KLF12: variants seen among roughly 807,000 people sequenced by gnomAD.
KLF12 encodes the protein Krueppel-like factor 12.
In KLF12, 9 loss-of-function variants were observed where a neutral mutation model predicts 37.8. The ratio of observed to expected loss-of-function variants is 0.24; its 90% CI spans 0.14 to 0.42. KLF12 has a LOEUF of 0.42. Ranked by LOEUF, KLF12 falls within the 10% of genes least tolerant of loss-of-function variation. The pLI is 1.00. For missense variants in KLF12, 411 were observed against 516.0 expected, an observed-to-expected ratio of 0.80 and a Z score of 1.97; for synonymous variants, 208 against 202.1, an observed-to-expected ratio of 1.03 and a Z score of -0.25.
intron 5 of KLF12, among the ~76,000 whole-genome samples, chr13:73,792,720 C>T (rs1233993405): frequency 2.6e-5 from 4 of 152,024 alleles, no homozygotes; most frequent in Admixed American, 6.5e-5. Flanking sequence ...GAACAATGTA[C>T]GTGTCATGCC....
the KLF12 span, among the ~76,000 whole-genome samples, chr13:74,250,600 C>T: frequency 6.6e-6 from 1 of 152,040 alleles, no homozygotes; most frequent in South Asian, 2.1e-4. Context: ...GAAGCTTAAC[C>T]CCGTTCCTGG....
chr13:73,778,505 G>A (rs961452190), intron 5 of KLF12, among the ~76,000 whole-genome samples: 1 of 152,088 alleles, frequency 6.6e-6, no homozygotes, highest in African/African-American at 2.4e-5. Flanking sequence ...GACTACAAGC[G>A]CCTGCCACCA....
At chr13:73,774,106 G>A (rs528214257) in intron 5 of KLF12, among the ~76,000 whole-genome samples, 10 of 152,118 alleles carry the variant, frequency 6.6e-5, no homozygotes, top group East Asian at 3.9e-4. Flanking sequence ...GTACCAGGCC[G>A]TATGTCCAAT....
chr13:74,008,972 C>T (rs1892481176), intron 1 of KLF12, among the ~76,000 whole-genome samples: 1 of 152,186 alleles, frequency 6.6e-6, no homozygotes, highest in Non-Finnish European at 1.5e-5. Context: ...TTAGGAGATA[C>T]AAATGAGGAC....
intron 1 of KLF12, among the ~76,000 whole-genome samples, chr13:74,035,451 G>A (rs1053287433): frequency 2.6e-5 from 4 of 152,178 alleles, no homozygotes; most frequent in Non-Finnish European, 4.4e-5. Context: ...CCCCATTGCA[G>A]GAGCTGGCAT....
chr13:74,021,214 A>G (rs985510991), intron 1 of KLF12, among the ~76,000 whole-genome samples: 7 of 152,196 alleles, frequency 4.6e-5, no homozygotes, highest in East Asian at 1.9e-4. Context: ...TGTGTTATTA[A>G]TAAGTTCATA....
chr13:74,035,313 T>A (rs1245486094), intron 1 of KLF12, among the ~76,000 whole-genome samples: 1 of 152,240 alleles, frequency 6.6e-6, no homozygotes, highest in Non-Finnish European at 1.5e-5. Flanking sequence ...TTATGTTGTC[T>A]TTCTTTTAAT....
intron 3 of KLF12, among the ~76,000 whole-genome samples, chr13:73,854,557 AT>A (rs2138749440): frequency 6.6e-6 from 1 of 152,336 alleles, no homozygotes; most frequent in Admixed American, 6.5e-5. Context: ...ACAAAGGCAT[AT>A]TAGCAAAACA....
Position 73,921,167 on chromosome 13 carries a change from T to C in KLF12, c.123+22814A>G, listed in dbSNP as rs189727601. On this transcript the variant is annotated intron_variant, in intron 3 of 7. Transcript: ENST00000377669. ...TACATCCCCCCACTTCCCTCCCTTC[T>C]ATGAAGAGGGTATTTAAACTTCAAC... Among the ~76,000 whole-genome samples the C allele has an allele frequency of 1.1e-4, 16 of 152,322 alleles. No homozygotes were observed. In the East Asian group the frequency reaches 2.7e-3, roughly 26 times the overall value.
At position 73,873,095 on chromosome 13, in the gene KLF12, T is replaced by G. The variant is rs995205923; in HGVS notation, c.124-26722A>C. On this transcript the variant is annotated intron_variant, in intron 3 of 7. Coordinates refer to ENST00000377669, the MANE Select transcript of KLF12 (RefSeq NM_007249.5). ...TGCATTGACCATTTCACCTTCCACA[T>G]TTTTATGGGTTTAAAGCCTAAAGAA... Among the ~76,000 whole-genome samples the G allele has an allele frequency of 3.9e-4, 59 of 152,146 alleles. 1 individual carries two copies. The highest frequency in any genetic ancestry group is 1.4e-3 in the African/African-American group (59 of 41,430).
At chr13:74,030,937 C>A (rs17061990) in intron 1 of KLF12, among the ~76,000 whole-genome samples, 1 of 152,036 alleles carries the variant, frequency 6.6e-6, no homozygotes, top group Admixed American at 6.6e-5. Context: ...TCATTTTGAA[C>A]GGCTGCACTA....
chr13:73,912,643 G>A (rs1375273918), intron 3 of KLF12, among the ~76,000 whole-genome samples: 1 of 152,154 alleles, frequency 6.6e-6, no homozygotes, highest in African/African-American at 2.4e-5. Flanking sequence ...TGTCCCTGTT[G>A]ACATGATAAC....
intron 5 of KLF12, among the ~76,000 whole-genome samples, chr13:73,784,501 G>A (rs937935079): frequency 1.4e-5 from 2 of 147,714 alleles, no homozygotes; most frequent in Admixed American, 1.3e-4. Flanking sequence ...ACTTACTTCA[G>A]TAACGAGCCT....
At chr13:73,696,381 A>G (rs1169747313) in intron 7 of KLF12, among the ~76,000 whole-genome samples, 1 of 152,202 alleles carries the variant, frequency 6.6e-6, no homozygotes, top group Non-Finnish European at 1.5e-5. Context: ...CTGAAGAAGC[A>G]TGTAATTTGA....
At chr13:73,713,895 CA>C (rs1472484679) in intron 7 of KLF12, among the ~76,000 whole-genome samples, 1 of 152,130 alleles carries the variant, frequency 6.6e-6, no homozygotes, top group East Asian at 1.9e-4. Flanking sequence ...TGTGATGATT[CA>C]TTGTAGAAAG....
chr13:74,052,297 A>G (rs888067612), intron 1 of KLF12, among the ~76,000 whole-genome samples: 1 of 149,444 alleles, frequency 6.7e-6, no homozygotes, highest in Non-Finnish European at 1.5e-5. Context: ...TCTCTCCAAA[A>G]AAACTGGGCC....
intron 1 of KLF12, among the ~76,000 whole-genome samples, chr13:74,130,679 A>G (rs1878212291): frequency 6.6e-6 from 1 of 152,176 alleles, no homozygotes; most frequent in Admixed American, 6.5e-5. Context: ...CTAAGCAGAA[A>G]AGGTAATAAT....
chr13:74,168,069 A>G, the KLF12 span, among the ~76,000 whole-genome samples: 3 of 152,224 alleles, frequency 2.0e-5, no homozygotes, highest in African/African-American at 2.4e-5. Context: ...AACAGCGTGC[A>G]TCTTTCATTT....
At chr13:74,032,356 C>T (rs911916165) in intron 1 of KLF12, among the ~76,000 whole-genome samples, 1 of 152,102 alleles carries the variant, frequency 6.6e-6, no homozygotes, top group Non-Finnish European at 1.5e-5. Flanking sequence ...ATTTATGTAG[C>T]CGCATAAATG....
Sources: gnomAD v4.1 joint callset for allele counts (sites outside exome capture counted in the v4.1 genomes callset) on GRCh38, gnomAD v4.1.1 for gene constraint, MANE v1.5 for transcripts, NCBI Gene and HGNC (gene_info 2026-07-23, HGNC 2026-07-21) for gene names.